The following VAMP4 variants were observed in gnomAD, a reference collection of about 807,000 sequenced individuals.
VAMP4 encodes the protein vesicle associated membrane protein 4.
In VAMP4, 19 loss-of-function variants were observed where a neutral mutation model predicts 23.5. The ratio of observed to expected loss-of-function variants is 0.81; its 90% CI spans 0.56 to 1.19. The LOEUF is 1.19. Ranked by LOEUF, VAMP4 falls within the 50% of genes most tolerant of loss-of-function variation. VAMP4 has a pLI of 0.00. For missense variants in VAMP4, 145 were observed against 168.6 expected, an observed-to-expected ratio of 0.86 and a Z score of 0.78; for synonymous variants, 31 against 51.0, an observed-to-expected ratio of 0.61 and a Z score of 1.67.
rs368137269 is a variant in VAMP4 at position 171,738,445 on chromosome 1, T to G, written c.-31A>C. ...TTACTTGCAAAGTATCTTTTGCTTC[T>G]CAACAGGATAGTCACCACCTTAAAG... On this transcript the variant is annotated 5_prime_UTR_variant, in exon 2 of 8. Coordinates refer to ENST00000236192, the MANE Select transcript of VAMP4 (RefSeq NM_003762.5). 2.7e-5 allele frequency: 44 copies of G among 1,606,254 alleles called. No homozygotes were observed. The African/African-American group carries it at 5.8e-4, about 21-fold the overall frequency.
chr1:171,712,050 T>C (rs1276616648), intron 4 of VAMP4, among the ~76,000 whole-genome samples: 1 of 152,140 alleles, frequency 6.6e-6, no homozygotes, highest in African/African-American at 2.4e-5. Context: ...GACTACACCA[T>C]GTAGGTTTGT....
intron 3 of VAMP4, among the ~76,000 whole-genome samples, chr1:171,725,720 T>C (rs1217197185): frequency 6.6e-6 from 1 of 152,078 alleles, no homozygotes; most frequent in East Asian, 1.9e-4. Flanking sequence ...AGATGGAGTC[T>C]TTCTCTGTCG....
intron 1 of VAMP4, among the ~76,000 whole-genome samples, chr1:171,740,240 G>A (rs1298588322): frequency 1.3e-5 from 2 of 152,178 alleles, no homozygotes; most frequent in Admixed American, 1.3e-4. Flanking sequence ...TGCCCATCAG[G>A]TTTACAGAAT....
chr1:171,735,469 A>C (rs1313590465), intron 2 of VAMP4, among the ~76,000 whole-genome samples: 1 of 152,212 alleles, frequency 6.6e-6, no homozygotes, highest in Non-Finnish European at 1.5e-5. Context: ...TTCAGTCTTC[A>C]TCTTACACAA....
At chr1:171,727,787 T>A (rs1036084231) in intron 3 of VAMP4, among the ~76,000 whole-genome samples, 1 of 152,164 alleles carries the variant, frequency 6.6e-6, no homozygotes, top group African/African-American at 2.4e-5. Flanking sequence ...TATTAACACA[T>A]GGATGAATCT....
intron 3 of VAMP4, among the ~76,000 whole-genome samples, chr1:171,726,711 G>A (rs1030087587): frequency 2.0e-5 from 3 of 151,816 alleles, no homozygotes; most frequent in African/African-American, 7.3e-5. Flanking sequence ...AAAACTCCTA[G>A]AAGAAAGTAC....
intron 2 of VAMP4, among the ~76,000 whole-genome samples, chr1:171,730,524 T>C (rs1174557942): frequency 2.6e-5 from 4 of 152,094 alleles, no homozygotes; most frequent in African/African-American, 7.2e-5. Flanking sequence ...AGTGAAAGCA[T>C]TGCCAATATG....
In VAMP4 at chr1:171,703,795, C is replaced by G. The variant is rs1572235871; in HGVS notation, c.*711G>C. 2.6e-5 allele frequency: 4 copies of G among 152,302 alleles called. No individual in the cohort carries two copies. In the South Asian group the frequency reaches 6.2e-4, roughly 24 times the overall value. The allele number at this position is 152,302 out of a possible 1,614,324, so 9.4% of individuals were successfully genotyped here. On this transcript the variant is annotated 3_prime_UTR_variant, in exon 8 of 8. Coordinates refer to ENST00000236192, the MANE Select transcript of VAMP4 (RefSeq NM_003762.5). The stretch of plus-strand genomic sequence containing the variant: ...GCTATATATTGGTCATTTTCAAATA[C>G]TCCAATGACACTCTTCAATAACTTT...
At position 171,738,452 on chromosome 1, in the gene VAMP4, G is replaced by C. The variant is rs1655814466; in HGVS notation, c.-38C>G. 1 of 1,587,368 alleles carries C rather than the reference G, an allele frequency of 6.3e-7. No individual in the cohort carries two copies. The highest frequency in any genetic ancestry group is 8.6e-7 in the Non-Finnish European group (1 of 1,156,570). ...CAAAGTATCTTTTGCTTCTCAACAG[G>C]ATAGTCACCACCTTAAAGAGAAAAT... On this transcript the variant is annotated 5_prime_UTR_variant, in exon 2 of 8. In the 5' UTR this introduces an upstream ATG that the reference lacks. Coordinates refer to ENST00000236192, the MANE Select transcript of VAMP4 (RefSeq NM_003762.5).
intron 2 of VAMP4, among the ~76,000 whole-genome samples, chr1:171,728,791 T>C (rs1165210377): frequency 6.6e-6 from 1 of 152,190 alleles, no homozygotes; most frequent in Non-Finnish European, 1.5e-5. Context: ...ATCCTATAAC[T>C]GACTAAAAAA....
chr1:171,709,570 A>T, intron 6 of VAMP4, 95 bp downstream of exon 6: 1 of 1,126,598 alleles, frequency 8.9e-7, no homozygotes, highest in Non-Finnish European at 1.3e-6. Context: ...CCCTGTTCTC[A>T]CAGAGGTTAT....
intron 2 of VAMP4, among the ~76,000 whole-genome samples, chr1:171,732,962 C>G (rs1002950579): frequency 6.6e-6 from 1 of 151,858 alleles, no homozygotes; most frequent in Non-Finnish European, 1.5e-5. Flanking sequence ...CTTTGACAAA[C>G]TAGTAAGAAA....
intron 3 of VAMP4, among the ~76,000 whole-genome samples, chr1:171,726,627 C>T (rs1655379622): frequency 6.6e-6 from 1 of 152,132 alleles, no homozygotes; most frequent in Non-Finnish European, 1.5e-5. Context: ...CCCCCAGTTT[C>T]ATCCTTACCT....
intron 2 of VAMP4, among the ~76,000 whole-genome samples, chr1:171,731,812 A>T (rs575829842): frequency 5.9e-5 from 9 of 152,360 alleles, no homozygotes; most frequent in African/African-American, 2.2e-4. Context: ...GAAAAGAAAC[A>T]TCAGCAAATT....
intron 3 of VAMP4, among the ~76,000 whole-genome samples, chr1:171,725,461 T>TA (rs1186157034): frequency 3.3e-5 from 5 of 151,808 alleles, no homozygotes; most frequent in Middle Eastern, 3.2e-3. Flanking sequence ...AGCAAACAAT[T>TA]AAAAAAAATG....
At position 171,703,419 on chromosome 1, in the gene VAMP4, T is replaced by TATA. The variant is rs1553258233; in HGVS notation, c.*1086_*1087insTAT. On this transcript the variant is annotated 3_prime_UTR_variant, in exon 8 of 8. Transcript: ENST00000236192. ...TGTGTGTGTGTGTGTGTGTGTGTGTTTGTGTGTATATATATATATATATAT... is the reference window on the plus strand; with the variant it reads ...TGTGTGTGTGTGTGTGTGTGTGTGTTATATGTGTGTATATATATATATATATAT... 1 of 87,944 alleles carries TATA rather than the reference T, an allele frequency of 1.1e-5. No homozygotes were observed. Among genetic ancestry groups the TATA allele is most frequent in the African/African-American group, 4.1e-5 (1 of 24,392 alleles). 5.4% of individuals were successfully genotyped at this position (87,944 alleles called of 1,614,324 possible).
At chr1:171,732,736 T>C (rs1655604518) in intron 2 of VAMP4, among the ~76,000 whole-genome samples, 1 of 152,174 alleles carries the variant, frequency 6.6e-6, no homozygotes, top group Admixed American at 6.5e-5. Flanking sequence ...ATTGAAAATA[T>C]ATAAATAGTT....
intron 4 of VAMP4, among the ~76,000 whole-genome samples, chr1:171,713,312 G>A (rs755465218): frequency 7.3e-5 from 11 of 151,532 alleles, no homozygotes; most frequent in Admixed American, 2.6e-4. Context: ...TCATATGCAA[G>A]TGACGATAAT....
intron 3 of VAMP4, among the ~76,000 whole-genome samples, chr1:171,721,716 CAAG>C (rs1020676443): frequency 6.6e-4 from 101 of 152,248 alleles, no homozygotes; most frequent in African/African-American, 2.2e-3. Context: ...AGGACCTCTT[CAAG>C]GAGAACTACA....
Sources: gnomAD v4.1 joint callset for allele counts (sites outside exome capture counted in the v4.1 genomes callset) on GRCh38, gnomAD v4.1.1 for gene constraint, MANE v1.5 for transcripts, NCBI Gene and HGNC (gene_info 2026-07-23, HGNC 2026-07-21) for gene names.